The following IL16 variants were observed in gnomAD, a reference collection of about 807,000 sequenced individuals.
The protein encoded by IL16 is interleukin 16.
A neutral mutation model predicts 110.1 loss-of-function variants in IL16; 67 were observed. The observed-to-expected ratio is 0.61, with a 90% CI of 0.50 to 0.75. The LOEUF is 0.75. Among genes scored for constraint, IL16 ranks in the 30% least tolerant of loss-of-function variants. IL16 has a pLI of 0.00. For missense variants in IL16, 1,545 were observed against 1,655.0 expected (o/e 0.93, Z 1.15); for synonymous variants, 689 against 662.9 (o/e 1.04, Z -0.61).
At chr15:81,292,451 T>C in intron 11 of IL16, 105 bp from the exon 12 acceptor site, 1 of 1,514,966 alleles carries the variant, frequency 6.6e-7, no homozygotes, top group South Asian at 1.1e-5. Flanking sequence ...AAGAAGCAGA[T>C]GGCCGATGTG....
intron 1 of IL16, among the ~76,000 whole-genome samples, chr15:81,189,066 G>A (rs936726155): frequency 2.0e-5 from 3 of 151,434 alleles, no homozygotes; most frequent in Admixed American, 6.6e-5. Context: ...CAATCCTCCC[G>A]CCTCAGCCTC....
At chr15:81,258,985 C>T (rs899920544) in intron 2 of IL16, among the ~76,000 whole-genome samples, 5 of 151,888 alleles carry the variant, frequency 3.3e-5, no homozygotes, top group Admixed American at 1.3e-4. Flanking sequence ...ATCCCTACAC[C>T]CATCCCTAAA....
At chr15:81,199,060 TAA>T (rs1555411615) in intron 1 of IL16, among the ~76,000 whole-genome samples, 1 of 140,704 alleles carries the variant, frequency 7.1e-6, no homozygotes, top group Admixed American at 7.1e-5. Flanking sequence ...TATATATATA[TAA>T]AATACATATT....
intron 2 of IL16, among the ~76,000 whole-genome samples, chr15:81,244,701 C>T (rs549096497): frequency 5.4e-4 from 82 of 152,206 alleles, no homozygotes; most frequent in Admixed American, 3.1e-3. Flanking sequence ...CTCTAAGCTT[C>T]TTGAATCTGT....
intron 1 of IL16, among the ~76,000 whole-genome samples, chr15:81,200,292 A>G (rs1895762764): frequency 6.6e-6 from 1 of 151,694 alleles, no homozygotes; most frequent in Non-Finnish European, 1.5e-5. Flanking sequence ...TCCATGTACT[A>G]TGATGTAAAA....
intron 1 of IL16, among the ~76,000 whole-genome samples, chr15:81,203,217 A>T: frequency 6.6e-6 from 1 of 151,334 alleles, no homozygotes; most frequent in African/African-American, 2.5e-5. Flanking sequence ...GATTCTGGAT[A>T]TTAGCCCTTT....
rs137901820 is a variant in IL16 at position 81,301,470 on chromosome 15, A to T, written c.3276A>T (p.Lys1092Asn). The T allele has an allele frequency of 6.2e-5, 100 of 1,614,072 alleles. No individual in the cohort carries two copies. In the African/African-American group the frequency reaches 1.2e-3, roughly 19 times the overall value. ...ISLLSSEELKKLIEEVKVLDE... is the reference protein window; with the variant it reads ...ISLLSSEELKNLIEEVKVLDE... ...TGCTGAGCTCAGAAGAATTAAAAAA[A>T]CTCATCGAGGAGGTGAAGGTTCTGG... is the stretch of plus-strand genomic sequence containing the variant. Residue 1092 changes from lysine (K) to asparagine (N), a missense_variant, in exon 15 of 19, where the codon AAA becomes AAT. Coordinates refer to ENST00000683961, the MANE Select transcript of IL16 (RefSeq NM_172217.5).
At chr15:81,231,650 A>G (rs370520915) in intron 2 of IL16, among the ~76,000 whole-genome samples, 1 of 152,198 alleles carries the variant, frequency 6.6e-6, no homozygotes, top group Admixed American at 6.5e-5. Flanking sequence ...TGGGATTACA[A>G]GAGTGAGCCA....
chr15:81,275,361 GGGGGGGAGGGGA>G (rs1330548936), intron 6 of IL16, among the ~76,000 whole-genome samples: 3 of 99,722 alleles, frequency 3.0e-5, no homozygotes, highest in African/African-American at 4.7e-5. Flanking sequence ...GGGGGAGGAG[GGGGGGGAGGGGA>G]GGGGAGGGGA....
intron 2 of IL16, among the ~76,000 whole-genome samples, chr15:81,231,807 A>G (rs1213596216): frequency 6.6e-6 from 1 of 152,128 alleles, no homozygotes; most frequent in African/African-American, 2.4e-5. Flanking sequence ...CTTTTTTCCT[A>G]CGTGAATATC....
intron 3 of IL16, among the ~76,000 whole-genome samples, chr15:81,261,669 C>T (rs1898162649): frequency 6.6e-6 from 1 of 152,150 alleles, no homozygotes; most frequent in Non-Finnish European, 1.5e-5. Flanking sequence ...ACCCGGCCCA[C>T]CCCTCTGTGT....
chr15:81,292,241 A>C (rs1434535140), intron 11 of IL16: 29 of 408,898 alleles, frequency 7.1e-5, no homozygotes, highest in Admixed American at 1.8e-4. Context: ...AGGGACCCAC[A>C]GCTGAAAGTA....
Position 81,299,485 on chromosome 15 carries a change from G to C in IL16, c.2159G>C (p.Cys720Ser), listed in dbSNP as rs1280744430. Reference protein sequence around the residue: ...AEDPWVRISDCIKNLFSPIMS... With the variant: ...AEDPWVRISDSIKNLFSPIMS... ...GACCCTTGGGTTAGGATTTCTGACT[G>C]CATCAAAAACTTATTTAGCCCCATC... The change falls in exon 14 of 19, where the codon TGC becomes TCC. Residue 720 changes from cysteine to serine, a missense_variant. Transcript: ENST00000683961. The C allele has an allele frequency of 6.2e-7, 1 of 1,614,052 alleles. No homozygotes were observed. The highest frequency in any genetic ancestry group is 1.3e-5 in the African/African-American group (1 of 74,912).
At chr15:81,294,967 A>G (rs935497366) in intron 12 of IL16, among the ~76,000 whole-genome samples, 2 of 152,136 alleles carry the variant, frequency 1.3e-5, no homozygotes, top group Non-Finnish European at 2.9e-5. Flanking sequence ...ACTGTTGTCA[A>G]GCTGCTATGG....
chr15:81,306,204 C>T (rs1900547499), intron 17 of IL16, 38 bp downstream of exon 17: 2 of 1,599,002 alleles, frequency 1.3e-6, no homozygotes, highest in African/African-American at 2.7e-5. Context: ...ACATGGGCCA[C>T]ATCCTCTTTG....
intron 1 of IL16, among the ~76,000 whole-genome samples, chr15:81,223,680 T>C (rs1465671409): frequency 2.6e-5 from 4 of 152,194 alleles, no homozygotes; most frequent in African/African-American, 9.6e-5. Flanking sequence ...TGGCACACCA[T>C]AGTGAAGTTT....
intron 2 of IL16, among the ~76,000 whole-genome samples, chr15:81,246,994 G>T (rs1410047511): frequency 6.8e-6 from 1 of 147,808 alleles, no homozygotes; most frequent in African/African-American, 2.5e-5. Context: ...ATATCTTCTT[G>T]TCATCTTTTA....
chr15:81,252,326 A>G (rs1053230281), intron 2 of IL16, among the ~76,000 whole-genome samples: 1 of 152,242 alleles, frequency 6.6e-6, no homozygotes, highest in Non-Finnish European at 1.5e-5. Flanking sequence ...AGACAGAGCC[A>G]TTAGTTTTAA....
intron 9 of IL16, among the ~76,000 whole-genome samples, chr15:81,285,120 C>T (rs998681517): frequency 6.6e-6 from 1 of 152,040 alleles, no homozygotes; most frequent in Non-Finnish European, 1.5e-5. Flanking sequence ...TAACTCCCTT[C>T]CCACCTCACA....
Sources: allele counts gnomAD v4.1 joint callset (sites outside exome capture counted in the v4.1 genomes callset), GRCh38; gene constraint gnomAD v4.1.1; transcripts MANE v1.5; gene names NCBI Gene and HGNC (gene_info 2026-07-23, HGNC 2026-07-21).